PDE1A: variants seen among roughly 807,000 people sequenced by gnomAD.
PDE1A encodes the protein dual specificity calcium/calmodulin-dependent 3',5'-cyclic nucleotide phosphodiesterase 1A.
Under a neutral mutation model 61.7 loss-of-function variants are expected in PDE1A, and 35 were observed. That is an observed-to-expected ratio of 0.57 (90% CI 0.43 to 0.75). The LOEUF (loss-of-function observed/expected upper bound fraction) is 0.75. PDE1A is among the 30% of genes least tolerant of loss of function. The probability of loss-of-function intolerance (pLI) is 0.00; values close to 1 mark genes in which losing one functional copy is unlikely to be tolerated. For missense variants in PDE1A, 597 were observed against 630.6 expected, an observed-to-expected ratio of 0.95 and a Z score of 0.57; for synonymous variants, 232 against 213.2, an observed-to-expected ratio of 1.09 and a Z score of -0.77.
At chr2:182,240,241 G>T (rs778443073) in exon 3 of PDE1A, 22 of 1,612,678 alleles carry the variant, frequency 1.4e-5, no homozygotes, top group Non-Finnish European at 1.8e-5. Flanking sequence ...CTTCAGATGG[G>T]ACTGAGTCAG....
At chr2:182,240,232 T>C (rs1324445127) in exon 3 of PDE1A, 1 of 1,613,074 alleles carries the variant, frequency 6.2e-7, no homozygotes. Flanking sequence ...AGTCCCGGAC[T>C]TCAGATGGGA....
chr2:182,224,315 T>C (rs1297842734), intron 6 of PDE1A, among the ~76,000 whole-genome samples: 1 of 151,954 alleles, frequency 6.6e-6, no homozygotes, highest in Non-Finnish European at 1.5e-5. Flanking sequence ...ATTTTTATCA[T>C]ACAGCTCATA....
the PDE1A span, among the ~76,000 whole-genome samples, chr2:182,606,902 A>T: frequency 2.6e-5 from 4 of 152,232 alleles, no homozygotes; most frequent in Non-Finnish European, 5.9e-5. Flanking sequence ...CCTGCTGCTC[A>T]CTGTGCACAA....
At chr2:182,527,985 T>C (rs1481608469), upstream of PDE1A, among the ~76,000 whole-genome samples, 1 of 152,108 alleles carries the variant, frequency 6.6e-6, no homozygotes, top group Non-Finnish European at 1.5e-5. Context: ...TCTTTATAAA[T>C]TACCCAGTCT....
chr2:182,491,731 CTT>C (rs1246338244), intron 2 of PDE1A, among the ~76,000 whole-genome samples: 5 of 151,578 alleles, frequency 3.3e-5, no homozygotes, highest in African/African-American at 1.2e-4. Flanking sequence ...TTCCCAAACA[CTT>C]TACATTTTCC....
Position 182,264,427 on chromosome 2 carries a change from AG to A in PDE1A, c.54-14del. ...CAAGCATCTTAGTCTATTTCAAAAAAGTAGCCAAAGAGAGAAAGAGCAAGGA... is the reference window on the plus strand; with the variant it reads ...CAAGCATCTTAGTCTATTTCAAAAAATAGCCAAAGAGAGAAAGAGCAAGGA... On this transcript the variant is annotated splice_polypyrimidine_tract_variant and intron_variant, in intron 1 of 13. Coordinates refer to ENST00000351439, the Ensembl canonical transcript of PDE1A. 1.3e-6 allele frequency: 2 copies of A among 1,587,650 alleles called. No homozygotes were observed. Among genetic ancestry groups the A allele is most frequent in the Non-Finnish European group, 8.6e-7 (1 of 1,156,996 alleles).
intron 1 of PDE1A, among the ~76,000 whole-genome samples, chr2:182,344,747 C>T (rs1318015032): frequency 1.1e-5 from 1 of 95,234 alleles, no homozygotes; most frequent in Non-Finnish European, 2.0e-5. Context: ...GTCTCTCTCT[C>T]TCTCACACAC....
intron 1 of PDE1A, among the ~76,000 whole-genome samples, chr2:182,357,340 A>T (rs1699251922): frequency 6.6e-6 from 1 of 152,150 alleles, no homozygotes; most frequent in African/African-American, 2.4e-5. Flanking sequence ...GGGAGAGAGA[A>T]TAGGACTGGT....
At chr2:182,614,114 A>G in the PDE1A span, among the ~76,000 whole-genome samples, 1 of 152,232 alleles carries the variant, frequency 6.6e-6, no homozygotes, top group Non-Finnish European at 1.5e-5. Flanking sequence ...CTTAGCTTCA[A>G]TTTATGTATA....
intron 2 of PDE1A, among the ~76,000 whole-genome samples, chr2:182,245,720 T>C (rs901696342): frequency 6.6e-6 from 1 of 152,192 alleles, no homozygotes; most frequent in Non-Finnish European, 1.5e-5. Flanking sequence ...AATATTCTAT[T>C]GTGTGCATAG....
downstream of PDE1A, among the ~76,000 whole-genome samples, chr2:182,163,507 G>C: frequency 6.6e-6 from 1 of 152,090 alleles, no homozygotes; most frequent in East Asian, 1.9e-4. Flanking sequence ...TGGATTTATT[G>C]GCAAGACATG....
chr2:182,694,424 G>C, the PDE1A span, among the ~76,000 whole-genome samples: 23 of 152,202 alleles, frequency 1.5e-4, no homozygotes, highest in Non-Finnish European at 1.2e-4. Flanking sequence ...CGCTGCACTT[G>C]AGAAACACTG....
the PDE1A span, among the ~76,000 whole-genome samples, chr2:182,668,594 G>A: frequency 6.6e-6 from 1 of 152,148 alleles, no homozygotes; most frequent in Admixed American, 6.5e-5. Context: ...GTGGATGACT[G>A]GTAGGTAGTT....
the PDE1A span, among the ~76,000 whole-genome samples, chr2:182,620,539 T>G: frequency 6.6e-6 from 1 of 152,138 alleles, no homozygotes; most frequent in Non-Finnish European, 1.5e-5. Flanking sequence ...AGAACAAGGA[T>G]TTGAAAAAGA....
At chr2:182,384,876 C>A (rs2125336400) in intron 1 of PDE1A, among the ~76,000 whole-genome samples, 1 of 152,170 alleles carries the variant, frequency 6.6e-6, no homozygotes, top group African/African-American at 2.4e-5. Flanking sequence ...CTATTATAAT[C>A]AAACTGTCAA....
the PDE1A span, among the ~76,000 whole-genome samples, chr2:182,710,098 T>C: frequency 2.0e-5 from 3 of 152,236 alleles, no homozygotes; most frequent in Non-Finnish European, 2.9e-5. Flanking sequence ...GGTTTCACCA[T>C]GTTGGCCAGG....
At chr2:182,708,714 G>C in the PDE1A span, among the ~76,000 whole-genome samples, 2 of 152,116 alleles carry the variant, frequency 1.3e-5, no homozygotes, top group African/African-American at 4.8e-5. Context: ...GATGAGATTT[G>C]AGTGGGGACA....
At chr2:182,617,172 T>C in the PDE1A span, among the ~76,000 whole-genome samples, 1 of 152,176 alleles carries the variant, frequency 6.6e-6, no homozygotes, top group Non-Finnish European at 1.5e-5. Context: ...GTTGGGGCCT[T>C]GATATACATG....
intron 2 of PDE1A, among the ~76,000 whole-genome samples, chr2:182,506,927 A>G (rs1191798040): frequency 6.6e-6 from 1 of 152,210 alleles, no homozygotes; most frequent in Non-Finnish European, 1.5e-5. Context: ...TTTGGTGGGA[A>G]ATTACATTTG....
Sources: gnomAD v4.1 joint callset for allele counts (sites outside exome capture counted in the v4.1 genomes callset) on GRCh38, gnomAD v4.1.1 for gene constraint, MANE v1.5 for transcripts, NCBI Gene and HGNC (gene_info 2026-07-23, HGNC 2026-07-21) for gene names.